PCDHA4: variants seen among roughly 807,000 people sequenced by gnomAD.
The protein encoded by PCDHA4 is protocadherin alpha-4.
A neutral mutation model predicts 61.4 loss-of-function variants in PCDHA4; 49 were observed. The observed-to-expected ratio is 0.80, with a 90% CI of 0.63 to 1.01. The LOEUF (loss-of-function observed/expected upper bound fraction) is 1.01, where lower values mean the gene tolerates loss of function less well. Ranked by LOEUF, PCDHA4 falls within the 50% of genes least tolerant of loss-of-function variation. The pLI is 0.00. For missense variants in PCDHA4, 1,254 were observed against 1,235.8 expected, an observed-to-expected ratio of 1.01 and a Z score of -0.22; for synonymous variants, 590 against 550.3, an observed-to-expected ratio of 1.07 and a Z score of -1.01.
At position 141,011,460 on chromosome 5, in the gene PCDHA4, T is replaced by G. The variant is rs1285322141; in HGVS notation, c.*1523T>G. 6.5e-6 allele frequency: 1 copy of G among 153,832 alleles called. No homozygotes were observed. The highest frequency in any genetic ancestry group is 2.4e-5 in the African/African-American group (1 of 41,470). 9.5% of individuals were successfully genotyped at this position (153,832 alleles called of 1,614,324 possible). On this transcript the variant is annotated 3_prime_UTR_variant, in exon 4 of 4. Coordinates refer to ENST00000530339, the MANE Select transcript of PCDHA4 (RefSeq NM_018907.4). The stretch of plus-strand genomic sequence containing the variant: ...TAGAGTGAACTTTAAGCTTTATTGT[T>G]GAATGTAATTCCATTATATTTCCTT...
intron 1 of PCDHA4, among the ~76,000 whole-genome samples, chr5:140,891,039 A>AC (rs143686625): frequency 6.6e-6 from 1 of 152,040 alleles, no homozygotes; most frequent in East Asian, 1.9e-4. Flanking sequence ...CTTAGGTGTG[A>AC]CCCCCACAGC....
intron 1 of PCDHA4, among the ~76,000 whole-genome samples, chr5:140,890,937 A>G (rs2153432428): frequency 6.6e-6 from 1 of 152,254 alleles, no homozygotes; most frequent in South Asian, 2.1e-4. Flanking sequence ...TAGTCCAAAG[A>G]TGCTGGTGAG....
chr5:140,986,366 G>A (rs149115330), intron 3 of PCDHA4, among the ~76,000 whole-genome samples: 226 of 152,252 alleles, frequency 1.5e-3, no homozygotes, highest in African/African-American at 5.1e-3. Context: ...GGAGGAATGC[G>A]TTTTGGGGGG....
In PCDHA4 at chr5:140,959,884, G is replaced by A. The variant is rs141989766; in HGVS notation, c.2386-19065G>A. On this transcript the variant is annotated intron_variant, in intron 1 of 3. Coordinates refer to ENST00000530339, the MANE Select transcript of PCDHA4 (RefSeq NM_018907.4). ...TAGCAAAATCTGTCAAGGAATACAC[G>A]AGTGGGATTTATATCAGAAAAATCA... Among the ~76,000 whole-genome samples, 570 of 152,254 alleles carry A rather than the reference G, an allele frequency of 3.7e-3. 1 individual carries two copies. The highest frequency in any genetic ancestry group is 6.9e-3 in the Non-Finnish European group (471 of 68,018).
At position 140,843,705 on chromosome 5, in the gene PCDHA4, A is replaced by G. The variant is rs1779053094; in HGVS notation, c.2385+34133A>G. ...GAAGAGCAAGATTTAAATGTTGATC[A>G]TGGCCTCAAAGTAAGTCCATTTAAA... On this transcript the variant is annotated intron_variant, in intron 1 of 3. Transcript: ENST00000530339. 5.7e-6 allele frequency: 9 copies of G among 1,579,940 alleles called. No individual in the cohort carries two copies. The African/African-American group carries it at 6.7e-5, about 12-fold the overall frequency.
intron 1 of PCDHA4, among the ~76,000 whole-genome samples, chr5:140,956,151 C>A (rs1193859248): frequency 6.6e-6 from 1 of 152,156 alleles, no homozygotes; most frequent in African/African-American, 2.4e-5. Flanking sequence ...CTTTCTCTTT[C>A]CTAATTGCCA....
rs1006692100 is a variant in PCDHA4 at position 140,968,013 on chromosome 5, G to A, written c.2386-10936G>A. Reference sequence around the variant, plus strand: ...CTGCCTTTCCGACTGAATGGCTTTGGAAACTCCTATACACTGGTGGTGAGC... The same window carrying A: ...CTGCCTTTCCGACTGAATGGCTTTGAAAACTCCTATACACTGGTGGTGAGC... On this transcript the variant is annotated intron_variant, in intron 1 of 3. Coordinates refer to ENST00000530339, the MANE Select transcript of PCDHA4 (RefSeq NM_018907.4). 2.5e-6 allele frequency: 4 copies of A among 1,614,066 alleles called. No individual in the cohort carries two copies. The African/African-American group carries it at 4.0e-5, about 16-fold the overall frequency.
At chr5:140,834,441 A>T in intron 1 of PCDHA4, 1 of 1,613,992 alleles carries the variant, frequency 6.2e-7, no homozygotes, top group Non-Finnish European at 8.5e-7. Context: ...GTTTATTATA[A>T]TTCTAGCAGC....
At chr5:140,829,654 G>T in intron 1 of PCDHA4, 1 of 1,612,542 alleles carries the variant, frequency 6.2e-7, no homozygotes, top group Non-Finnish European at 8.5e-7. Context: ...ACGCGCTGCA[G>T]CCGCTGGACC....
chr5:140,990,760 G>A (rs2097413418), intron 3 of PCDHA4, among the ~76,000 whole-genome samples: 1 of 152,182 alleles, frequency 6.6e-6, no homozygotes, highest in Non-Finnish European at 1.5e-5. Context: ...CTTTGAGCCT[G>A]TAAATTTGGC....
At chr5:140,836,193 A>T (rs1774273849) in intron 1 of PCDHA4, 10 of 1,613,716 alleles carry the variant, frequency 6.2e-6, no homozygotes, top group Non-Finnish European at 8.5e-6. Context: ...CTCAGGCTAC[A>T]ACGCGTGGCT....
intron 1 of PCDHA4, among the ~76,000 whole-genome samples, chr5:140,951,337 G>C (rs1346350844): frequency 6.6e-6 from 1 of 151,970 alleles, no homozygotes; most frequent in Non-Finnish European, 1.5e-5. Context: ...CATTCTGTTT[G>C]TGTTAGTCCA....
intron 1 of PCDHA4, chr5:140,856,606 CA>C: frequency 6.3e-7 from 1 of 1,597,764 alleles, no homozygotes; most frequent in Non-Finnish European, 8.6e-7. Flanking sequence ...ACAAAAAAGA[CA>C]AAGACAAATT....
intron 1 of PCDHA4, among the ~76,000 whole-genome samples, chr5:140,897,050 G>A (rs1269082503): frequency 6.6e-6 from 1 of 152,014 alleles, no homozygotes; most frequent in Non-Finnish European, 1.5e-5. Flanking sequence ...CTATTCTGCT[G>A]TCAAATACTA....
intron 1 of PCDHA4, chr5:140,856,399 T>A: frequency 6.3e-7 from 1 of 1,598,492 alleles, no homozygotes; most frequent in Admixed American, 1.7e-5. Flanking sequence ...AGGTTTTCCA[T>A]GTGGACGTGG....
Position 140,809,437 on chromosome 5 carries a change from C to T in PCDHA4, c.2250C>T (p.Tyr750=). The T allele has an allele frequency of 6.2e-7, 1 of 1,614,234 alleles. No homozygotes were observed. Among genetic ancestry groups the T allele is most frequent in the Non-Finnish European group, 8.5e-7 (1 of 1,180,026 alleles). Reference sequence around the variant, plus strand: ...CCAGTGCGGTGGGGAGCTGGTCATACTCGCAGCAGAGGAGGCCGAGGGTGT... The same window carrying T: ...CCAGTGCGGTGGGGAGCTGGTCATATTCGCAGCAGAGGAGGCCGAGGGTGT... ...VCSSAVGSWS[Y]SQQRRPRVCS... Residue 750 remains tyrosine, a synonymous_variant, in exon 1 of 4, where the codon TAC becomes TAT. Coordinates refer to ENST00000530339, the MANE Select transcript of PCDHA4 (RefSeq NM_018907.4).
At chr5:140,991,320 A>G (rs1563572656) in intron 3 of PCDHA4, among the ~76,000 whole-genome samples, 1 of 152,216 alleles carries the variant, frequency 6.6e-6, no homozygotes, top group Non-Finnish European at 1.5e-5. Context: ...CGCATGATAC[A>G]TGAAGGGAAT....
At position 140,809,026 on chromosome 5, in the gene PCDHA4, G is replaced by C; in HGVS notation, c.1839G>C (p.Pro613=). 1 of 1,613,446 alleles carries C rather than the reference G, an allele frequency of 6.2e-7. No individual in the cohort carries two copies. Among genetic ancestry groups the C allele is most frequent in the Non-Finnish European group, 8.5e-7 (1 of 1,179,630 alleles). The change falls in exon 1 of 4, where the codon CCG becomes CCC. Residue 613 remains proline (P), a synonymous_variant. Transcript: ENST00000530339. The part of the protein sequence containing the change: ...YNAWLSYELQ[P]GTGGARIPFR... ...CGTGGCTTTCGTACGAGCTGCAGCC[G>C]GGGACTGGTGGCGCGCGCATCCCGT...
rs78257345 is a variant in PCDHA4 at position 140,892,116 on chromosome 5, T to C, written c.2385+82544T>C. Among the ~76,000 whole-genome samples the C allele has an allele frequency of 8.0e-3, 1,216 of 152,346 alleles. 6 individuals are homozygous for C. The highest frequency in any genetic ancestry group is 0.019 in the African/African-American group (786 of 41,576). On this transcript the variant is annotated intron_variant, in intron 1 of 3. Transcript: ENST00000530339. ...AACTTTCAAGCTTGGCATTTATATCTGGAACACAATAAGCTCATGGTTTTA... is the reference window on the plus strand; with the variant it reads ...AACTTTCAAGCTTGGCATTTATATCCGGAACACAATAAGCTCATGGTTTTA...
Sources: gnomAD v4.1 joint callset for allele counts (sites outside exome capture counted in the v4.1 genomes callset) on GRCh38, gnomAD v4.1.1 for gene constraint, MANE v1.5 for transcripts, NCBI Gene and HGNC (gene_info 2026-07-23, HGNC 2026-07-21) for gene names.